BACH2: variants seen among roughly 807,000 people sequenced by gnomAD.
BACH2 encodes the protein transcription regulator protein BACH2.
BACH2 carries 5 observed loss-of-function variants against 61.8 expected under a neutral mutation model. The observed-to-expected ratio is 0.08, with a 90% confidence interval of 0.04 to 0.17. BACH2 has a LOEUF of 0.17. BACH2 is among the 10% of genes least tolerant of loss of function. The pLI is 1.00. For missense variants in BACH2, 824 were observed against 1,091.1 expected, an observed-to-expected ratio of 0.76 and a Z score of 3.45; for synonymous variants, 446 against 440.1, an observed-to-expected ratio of 1.01 and a Z score of -0.17.
rs767268701 is a variant in BACH2 at position 89,984,827 on chromosome 6, A to G, written c.243+23775T>C. Among the ~76,000 whole-genome samples the G allele has an allele frequency of 3.9e-5, 6 of 152,222 alleles. 1 individual carries two copies. Among genetic ancestry groups the G allele is most frequent in the African/African-American group, 9.6e-5 (4 of 41,456 alleles). On this transcript the variant is annotated intron_variant, in intron 6 of 8. Transcript: ENST00000257749. ...TTTAAAAAGAAACTTGTCCTAAGCA[A>G]TATCTGCAAAATCTCAAGTTTAACA...
intron 5 of BACH2, among the ~76,000 whole-genome samples, chr6:90,051,702 C>CT (rs918712322): frequency 1.7e-4 from 25 of 151,216 alleles, no homozygotes; most frequent in South Asian, 4.2e-4. Flanking sequence ...TCTCATTCGT[C>CT]TTTTTTTTTA....
chr6:90,078,146 C>A (rs1303984201), intron 5 of BACH2, among the ~76,000 whole-genome samples: 1 of 152,196 alleles, frequency 6.6e-6, no homozygotes, highest in Admixed American at 6.5e-5. Flanking sequence ...GCAATATTTT[C>A]TGTGGGGAAT....
chr6:90,197,864 G>C (rs1768812147), intron 4 of BACH2, among the ~76,000 whole-genome samples: 1 of 152,204 alleles, frequency 6.6e-6, no homozygotes, highest in Non-Finnish European at 1.5e-5. Flanking sequence ...CAAAAAATGA[G>C]GATGAACAAG....
At chr6:90,158,774 G>T (rs1785083799) in intron 4 of BACH2, among the ~76,000 whole-genome samples, 1 of 145,862 alleles carries the variant, frequency 6.9e-6, no homozygotes, top group African/African-American at 2.5e-5. Context: ...GTGGGGGGGG[G>T]GCACTTACTC....
intron 4 of BACH2, among the ~76,000 whole-genome samples, chr6:90,203,187 G>A (rs925682567): frequency 2.0e-5 from 3 of 151,886 alleles, no homozygotes; most frequent in African/African-American, 7.3e-5. Context: ...GAGATGGGAG[G>A]ATTGCTTGAG....
At chr6:90,241,811 A>T (rs978936868) in intron 3 of BACH2, among the ~76,000 whole-genome samples, 1 of 152,128 alleles carries the variant, frequency 6.6e-6, no homozygotes, top group African/African-American at 2.4e-5. Context: ...TGAAAAAAAA[A>T]TTAAAAAACA....
intron 4 of BACH2, among the ~76,000 whole-genome samples, chr6:90,187,946 G>C (rs1768417880): frequency 6.6e-6 from 1 of 152,180 alleles, no homozygotes; most frequent in Non-Finnish European, 1.5e-5. Context: ...AAGAGCACAA[G>C]TGCCCCAGTG....
chr6:90,152,983 A>C (rs1784882718), intron 4 of BACH2, among the ~76,000 whole-genome samples: 1 of 152,200 alleles, frequency 6.6e-6, no homozygotes, highest in South Asian at 2.1e-4. Context: ...TTAGATAAGA[A>C]AGAAAGCGTT....
At chr6:90,206,329 C>A (rs1769143453) in intron 4 of BACH2, among the ~76,000 whole-genome samples, 2 of 152,190 alleles carry the variant, frequency 1.3e-5, no homozygotes, top group Non-Finnish European at 2.9e-5. Flanking sequence ...CACTAAAACC[C>A]AGTATTTCAG....
intron 6 of BACH2, among the ~76,000 whole-genome samples, chr6:89,961,570 C>T (rs989816203): frequency 6.6e-6 from 1 of 152,204 alleles, no homozygotes; most frequent in African/African-American, 2.4e-5. Flanking sequence ...TCATTTCAAA[C>T]CAACTATGAA....
intron 6 of BACH2, among the ~76,000 whole-genome samples, chr6:90,005,471 A>G (rs1413541809): frequency 6.6e-6 from 1 of 152,238 alleles, no homozygotes; most frequent in East Asian, 1.9e-4. Flanking sequence ...CCAGAAAGCT[A>G]CTTTCTAAGG....
intron 4 of BACH2, among the ~76,000 whole-genome samples, chr6:90,143,035 T>C (rs1404215967): frequency 6.6e-6 from 1 of 152,196 alleles, no homozygotes; most frequent in Non-Finnish European, 1.5e-5. Context: ...ATGTGTTTCT[T>C]AGAAGGCTAA....
intron 7 of BACH2, among the ~76,000 whole-genome samples, chr6:89,941,922 T>C (rs1470831724): frequency 1.3e-5 from 2 of 152,076 alleles, no homozygotes; most frequent in African/African-American, 2.4e-5. Context: ...GAGGGAGAGT[T>C]GCCAAGAAAA....
intron 4 of BACH2, among the ~76,000 whole-genome samples, chr6:90,103,731 G>T (rs1782779164): frequency 6.6e-6 from 1 of 152,156 alleles, no homozygotes; most frequent in South Asian, 2.1e-4. Flanking sequence ...GGATCATGGG[G>T]AACATCTGTT....
At chr6:90,085,042 CA>C (rs577328442) in intron 5 of BACH2, among the ~76,000 whole-genome samples, 2 of 151,796 alleles carry the variant, frequency 1.3e-5, no homozygotes, top group African/African-American at 2.4e-5. Flanking sequence ...ACACAAAAGC[CA>C]AAAAAAGTAG....
intron 1 of BACH2, among the ~76,000 whole-genome samples, chr6:90,272,214 C>T (rs987189175): frequency 3.3e-5 from 5 of 152,048 alleles, no homozygotes; most frequent in South Asian, 2.1e-4. Flanking sequence ...CCCCCTTTCA[C>T]TCTTGTTCTC....
Position 89,967,910 on chromosome 6 carries a change from T to C in BACH2, c.244-16048A>G, listed in dbSNP as rs142767703. Among the ~76,000 whole-genome samples, 721 of 152,254 alleles carry C rather than the reference T, an allele frequency of 4.7e-3. 3 individuals carry two copies. Among genetic ancestry groups the C allele is most frequent in the African/African-American group, 0.017 (692 of 41,536 alleles). ...GTTAATGCTTCTGACATGGACTATG[T>C]TTCAAGCAGCAACTCCCTGGTTTAG... On this transcript the variant is annotated intron_variant, in intron 6 of 8. Transcript: ENST00000257749.
intron 4 of BACH2, among the ~76,000 whole-genome samples, chr6:90,093,408 C>A (rs1259498463): frequency 1.3e-5 from 2 of 152,136 alleles, no homozygotes; most frequent in African/African-American, 4.8e-5. Context: ...TCTACTAATG[C>A]TATTCTACTA....
intron 5 of BACH2, among the ~76,000 whole-genome samples, chr6:90,046,310 G>A (rs1367226331): frequency 6.6e-6 from 1 of 152,112 alleles, no homozygotes; most frequent in East Asian, 1.9e-4. Flanking sequence ...CTAAGTGCTG[G>A]GTCACAAACA....
Sources: allele counts gnomAD v4.1 joint callset (sites outside exome capture counted in the v4.1 genomes callset), GRCh38; gene constraint gnomAD v4.1.1; transcripts MANE v1.5; gene names NCBI Gene and HGNC (gene_info 2026-07-23, HGNC 2026-07-21).